Variants in DIS3L2 observed in about 807,000 individuals in gnomAD.
DIS3L2 encodes the protein DIS3 like 3'-5' exoribonuclease 2, also known as DIS3-like exonuclease 2.
A neutral mutation model predicts 97.5 loss-of-function variants in DIS3L2; 34 were observed. That is an observed-to-expected ratio of 0.35 (90% CI 0.27 to 0.46). The LOEUF (loss-of-function observed/expected upper bound fraction) is 0.46. DIS3L2 is among the 20% of genes least tolerant of loss of function. The probability of loss-of-function intolerance (pLI) is 1.00; values close to 1 mark genes in which losing one functional copy is unlikely to be tolerated. For synonymous variants in DIS3L2, 435 were observed against 445.2 expected (o/e 0.98, Z 0.29); for missense variants, 1,038 against 1,146.0 (o/e 0.91, Z 1.36).
intron 1 of DIS3L2, among the ~76,000 whole-genome samples, chr2:231,987,413 G>A (rs1693448495): frequency 6.6e-6 from 1 of 152,222 alleles, no homozygotes; most frequent in South Asian, 2.1e-4. Flanking sequence ...TCACATCTGG[G>A]TTAATGAAGC....
chr2:232,337,183 T>C lies in DIS3L2; in HGVS notation c.*553T>C. On this transcript the variant is annotated 3_prime_UTR_variant, in exon 21 of 21. Transcript: ENST00000325385. The stretch of plus-strand genomic sequence containing the variant: ...CATTCTGCCTGATTAAAAATGGAAT[T>C]AGTATGCAACACTGAGAGCGCCCCC... The C allele has an allele frequency of 1.0e-6, 1 of 995,506 alleles. No homozygotes were observed. The highest frequency in any genetic ancestry group is 1.2e-6 in the Non-Finnish European group (1 of 837,680). The allele number at this position is 995,506 out of a possible 1,614,324, so 61.7% of individuals were successfully genotyped here. A position where few individuals can be genotyped will look rare whatever the true frequency, so the allele number is the denominator to read the frequency against.
chr2:232,333,081 G>A (rs1222015740), intron 16 of DIS3L2, among the ~76,000 whole-genome samples: 2 of 148,422 alleles, frequency 1.3e-5, no homozygotes. Flanking sequence ...CAACAAAACC[G>A]CAGGCGGCCT....
At chr2:232,270,945 C>G (rs944451268) in intron 13 of DIS3L2, among the ~76,000 whole-genome samples, 61 of 150,886 alleles carry the variant, frequency 4.0e-4, no homozygotes, top group Admixed American at 1.3e-4. Flanking sequence ...CTCTCTGTCT[C>G]TCTCAGGTGT....
At chr2:231,975,594 A>G (rs1374203059) in intron 1 of DIS3L2, among the ~76,000 whole-genome samples, 1 of 151,048 alleles carries the variant, frequency 6.6e-6, no homozygotes, top group Non-Finnish European at 1.5e-5. Flanking sequence ...AGTCCCAGCT[A>G]CTTGGGAGGC....
intron 5 of DIS3L2, among the ~76,000 whole-genome samples, chr2:232,067,670 G>C (rs576442248): frequency 1.3e-5 from 2 of 152,110 alleles, no homozygotes; most frequent in African/African-American, 4.8e-5. Flanking sequence ...CAGGGCTTCT[G>C]TTTCCTTACT....
rs551383915 is a variant in DIS3L2, at chr2:232,066,989, A to G, written c.367-20498A>G. 1.9e-3 allele frequency among the ~76,000 whole-genome samples: 286 copies of G among 151,958 alleles called. 1 individual carries two copies. The highest frequency in any genetic ancestry group is 3.8e-3 in the Non-Finnish European group (260 of 67,914). The stretch of plus-strand genomic sequence containing the variant: ...GATTTTTAATGATTGCCCCTCTTTA[A>G]TTTCTGAAATATTATTGGTAATCAT... On this transcript the variant is annotated intron_variant, in intron 5 of 20. Coordinates refer to ENST00000325385, the MANE Select transcript of DIS3L2 (RefSeq NM_152383.5).
intron 10 of DIS3L2, among the ~76,000 whole-genome samples, chr2:232,216,609 C>T (rs549547875): frequency 1.3e-5 from 2 of 152,224 alleles, no homozygotes; most frequent in South Asian, 2.1e-4. Flanking sequence ...CACCACTCAT[C>T]ACTTGCTAAC....
intron 20 of DIS3L2, 87 bp downstream of exon 20, chr2:232,335,961 C>T: frequency 6.5e-7 from 1 of 1,540,926 alleles, no homozygotes; most frequent in African/African-American, 1.4e-5. Context: ...TCATCTGTGT[C>T]CCCTGGGCTC....
intron 5 of DIS3L2, among the ~76,000 whole-genome samples, chr2:232,075,668 A>G (rs2106292071): frequency 1.3e-5 from 2 of 152,156 alleles, no homozygotes; most frequent in South Asian, 4.2e-4. Flanking sequence ...TGAAGGCTAC[A>G]TTTGTTTCCT....
Position 232,292,230 on chromosome 2 carries a change from G to A in DIS3L2, c.1660-7810G>A, listed in dbSNP as rs1694623466. Reference sequence around the variant, plus strand: ...AATAGTTACATTAAAAGACTCAGTGGACACCCCTCCTTCTGCTTACCTAGG... The same window carrying A: ...AATAGTTACATTAAAAGACTCAGTGAACACCCCTCCTTCTGCTTACCTAGG... On this transcript the variant is annotated intron_variant, in intron 13 of 20. Transcript: ENST00000325385. This position sits in a 1 kb window ranked among gnomAD's most constrained non-coding sequence, Gnocchi z 4.4. 6.6e-6 allele frequency among the ~76,000 whole-genome samples: 1 copy of A among 152,154 alleles called. No homozygotes were observed. The highest frequency in any genetic ancestry group is 1.5e-5 in the Non-Finnish European group (1 of 68,032).
chr2:232,169,315 T>C (rs114790513), intron 9 of DIS3L2, among the ~76,000 whole-genome samples: 5 of 152,226 alleles, frequency 3.3e-5, no homozygotes, highest in African/African-American at 1.2e-4. Context: ...TGTTTATATA[T>C]AGTATATGTC....
downstream of DIS3L2, chr2:232,339,770 G>T (rs774292337): frequency 2.2e-6 from 1 of 454,452 alleles, no homozygotes; most frequent in Non-Finnish European, 4.4e-6. Context: ...TTTTGGGAGC[G>T]CAGGCAGGAT....
chr2:232,057,676 G>C (rs1695585942), intron 5 of DIS3L2, among the ~76,000 whole-genome samples: 1 of 152,112 alleles, frequency 6.6e-6, no homozygotes. Context: ...CAAACATCTT[G>C]ATTACAGCCT....
chr2:232,060,850 A>G (rs1263030421), intron 5 of DIS3L2, among the ~76,000 whole-genome samples: 3 of 152,080 alleles, frequency 2.0e-5, no homozygotes, highest in African/African-American at 7.2e-5. Context: ...GTTTTATAAT[A>G]TTTATTGCAG....
At chr2:232,272,682 A>G (rs1043612124) in intron 13 of DIS3L2, among the ~76,000 whole-genome samples, 1 of 152,226 alleles carries the variant, frequency 6.6e-6, no homozygotes, top group Non-Finnish European at 1.5e-5. Flanking sequence ...AGAACAGCCC[A>G]GAAGTAGTTA....
In DIS3L2 at chr2:232,121,223, C is replaced by A. The variant is rs1228146012; in HGVS notation, c.602-9396C>A. ...GTCACCTGTGACCTTGTCACTAAGG[C>A]CACACTGCTGACTACACTTTCCCTA... On this transcript the variant is annotated intron_variant, in intron 6 of 20. Transcript: ENST00000325385. Among the ~76,000 whole-genome samples the A allele has an allele frequency of 3.9e-5, 6 of 152,306 alleles. No individual in the cohort carries two copies. The East Asian group carries it at 9.7e-4, about 25-fold the overall frequency.
chr2:232,184,776 A>G (rs1317129829), intron 9 of DIS3L2, among the ~76,000 whole-genome samples: 1 of 152,116 alleles, frequency 6.6e-6, no homozygotes, highest in Non-Finnish European at 1.5e-5. Context: ...GAAATGGTCA[A>G]CTCTGTTGAT....
At chr2:232,017,794 A>G (rs1694398980) in intron 3 of DIS3L2, among the ~76,000 whole-genome samples, 1 of 152,102 alleles carries the variant, frequency 6.6e-6, no homozygotes, top group Non-Finnish European at 1.5e-5. Context: ...CCGTGCCTAA[A>G]TGTTACCCAC....
intron 6 of DIS3L2, among the ~76,000 whole-genome samples, chr2:232,102,282 G>A (rs77192798): frequency 1.3e-5 from 2 of 152,272 alleles, no homozygotes; most frequent in East Asian, 3.9e-4. Context: ...TTGTTCTAGT[G>A]AAACAAAAAG....
Sources: gnomAD v4.1 joint callset for allele counts (sites outside exome capture counted in the v4.1 genomes callset) on GRCh38, gnomAD v4.1.1 for gene constraint, Gnocchi (gnomAD v3.1) non-coding constraint, MANE v1.5 for transcripts, NCBI Gene and HGNC (gene_info 2026-07-23, HGNC 2026-07-21) for gene names.